TWIST2: variants seen among roughly 807,000 people sequenced by gnomAD.
The protein encoded by TWIST2 is twist family bHLH transcription factor 2, also known as twist-related protein 2.
In TWIST2, 1 loss-of-function variant was observed where a neutral mutation model predicts 11.6. That is an observed-to-expected ratio of 0.09 (90% CI 0.03 to 0.41). The LOEUF is 0.41. Ranked by LOEUF, TWIST2 falls within the 10% of genes least tolerant of loss-of-function variation. The pLI, the probability that TWIST2 is intolerant of heterozygous loss-of-function variation, is 0.98. For synonymous variants in TWIST2, 87 were observed against 96.6 expected (o/e 0.90, Z 0.58); for missense variants, 168 against 226.4 (o/e 0.74, Z 1.66).
At chr2:238,859,582 A>G (rs1226093769) in intron 1 of TWIST2, among the ~76,000 whole-genome samples, 1 of 151,998 alleles carries the variant, frequency 6.6e-6, no homozygotes, top group Non-Finnish European at 1.5e-5. Context: ...CCAAAAAAAA[A>G]AAAAATCCTA....
intron 1 of TWIST2, among the ~76,000 whole-genome samples, chr2:238,908,585 G>A (rs955628310): frequency 3.9e-5 from 6 of 152,342 alleles, no homozygotes; most frequent in African/African-American, 7.2e-5. Flanking sequence ...GTGACGTGAC[G>A]ACACCACTGT....
chr2:238,849,296 C>A (rs1692196207), intron 1 of TWIST2, among the ~76,000 whole-genome samples: 1 of 152,218 alleles, frequency 6.6e-6, no homozygotes, highest in African/African-American at 2.4e-5. Context: ...CCTGGCCTGC[C>A]CAGTGGGCGT....
chr2:238,904,259 A>C (rs1693314527), intron 1 of TWIST2, among the ~76,000 whole-genome samples: 1 of 96,722 alleles, frequency 1.0e-5, no homozygotes, highest in Non-Finnish European at 2.0e-5. Context: ...GGGTATGTGC[A>C]TAATGTGAGG....
intron 1 of TWIST2, among the ~76,000 whole-genome samples, chr2:238,891,908 G>A (rs928499677): frequency 1.3e-5 from 2 of 152,308 alleles, no homozygotes; most frequent in African/African-American, 4.8e-5. Flanking sequence ...TGGGAAGATT[G>A]GGCTATGTAG....
chr2:238,909,231 T>C (rs960812179), intron 1 of TWIST2, among the ~76,000 whole-genome samples: 5 of 144,772 alleles, frequency 3.5e-5, no homozygotes, highest in South Asian at 2.2e-4. Flanking sequence ...TGTTCGTGGG[T>C]GTGGTATGTG....
chr2:238,896,556 G>A (rs1693210007), intron 1 of TWIST2, among the ~76,000 whole-genome samples: 1 of 152,166 alleles, frequency 6.6e-6, no homozygotes, highest in East Asian at 1.9e-4. Flanking sequence ...AACACGTCCT[G>A]AGCCACATGT....
chr2:238,899,942 C>T (rs1693249327), intron 1 of TWIST2, among the ~76,000 whole-genome samples: 1 of 150,930 alleles, frequency 6.6e-6, no homozygotes, highest in Non-Finnish European at 1.5e-5. Context: ...CTGAAGTGCT[C>T]TAAAAAAATA....
intron 1 of TWIST2, among the ~76,000 whole-genome samples, chr2:238,849,798 G>A (rs1205550303): frequency 6.6e-6 from 1 of 152,194 alleles, no homozygotes; most frequent in East Asian, 1.9e-4. Context: ...CCACGGAGGC[G>A]CCGTCCTTAG....
At chr2:238,898,124 G>C (rs963642025) in intron 1 of TWIST2, among the ~76,000 whole-genome samples, 18 of 152,334 alleles carry the variant, frequency 1.2e-4, no homozygotes, top group Non-Finnish European at 1.8e-4. Flanking sequence ...TGGCGAACGC[G>C]GTCTCAGGGC....
chr2:238,906,068 G>T (rs1424391400), intron 1 of TWIST2, among the ~76,000 whole-genome samples: 2 of 152,154 alleles, frequency 1.3e-5, no homozygotes, highest in African/African-American at 4.8e-5. Flanking sequence ...TCAGACTGTT[G>T]CCTTGGTTCA....
chr2:238,893,047 A>G (rs1236285409), intron 1 of TWIST2, among the ~76,000 whole-genome samples: 1 of 152,214 alleles, frequency 6.6e-6, no homozygotes, highest in African/African-American at 2.4e-5. Flanking sequence ...GCTCCGCCAG[A>G]AACTCCAACT....
rs535452741 is a variant in TWIST2, at chr2:238,866,837, G to A, written c.*35+18104G>A. Among the ~76,000 whole-genome samples, 23 of 152,204 alleles carry A rather than the reference G, an allele frequency of 1.5e-4. No homozygotes were observed. Among genetic ancestry groups the A allele is most frequent in the African/African-American group, 4.6e-4 (19 of 41,528 alleles). Reference sequence around the variant, plus strand: ...GGCCTCGTATATCCCCTAGCGGCCTGGCAGCTGCGACGGTTTGTCTGCCTG... The same window carrying A: ...GGCCTCGTATATCCCCTAGCGGCCTAGCAGCTGCGACGGTTTGTCTGCCTG... On this transcript the variant is annotated intron_variant, in intron 1 of 1. Coordinates refer to ENST00000612363, the MANE Select transcript of TWIST2 (RefSeq NM_001271893.4). This position sits in a 1 kb window ranked among gnomAD's most constrained non-coding sequence, Gnocchi z 4.9.
intron 1 of TWIST2, among the ~76,000 whole-genome samples, chr2:238,850,344 G>T (rs1365279678): frequency 6.6e-6 from 1 of 152,102 alleles, no homozygotes; most frequent in East Asian, 1.9e-4. Flanking sequence ...ATTAATTCTG[G>T]TTTTTGCTGC....
chr2:238,884,458 TTCCCCTCCCC>T (rs879830481), intron 1 of TWIST2, among the ~76,000 whole-genome samples: 3 of 152,332 alleles, frequency 2.0e-5, no homozygotes, highest in Middle Eastern at 3.4e-3. Context: ...GTAGGGCTTC[TTCCCCTCCCC>T]TGCCTGGCCA....
At chr2:238,897,509 C>T (rs1051337344) in intron 1 of TWIST2, among the ~76,000 whole-genome samples, 3 of 152,316 alleles carry the variant, frequency 2.0e-5, no homozygotes, top group East Asian at 3.9e-4. Flanking sequence ...CCAACCCAGG[C>T]CACCCTGGTG....
Position 238,848,576 on chromosome 2 carries a change from C to T in TWIST2, c.361C>T (p.Leu121=), listed in dbSNP as rs746639302. 14 of 1,580,114 alleles carry T rather than the reference C, an allele frequency of 8.9e-6. No individual in the cohort carries two copies. The African/African-American group carries it at 1.8e-4, about 20-fold the overall frequency. ...ARYIDFLYQV[L]QSDEMDNKMT... ...GTACATAGACTTCCTCTACCAGGTC[C>T]TGCAGAGCGACGAGATGGACAATAA... The change falls in exon 1 of 2, where the codon CTG becomes TTG. Residue 121 remains leucine (L), a synonymous_variant. Coordinates refer to ENST00000612363, the MANE Select transcript of TWIST2 (RefSeq NM_001271893.4).
chr2:238,856,029 AG>A (rs1379040165), intron 1 of TWIST2, among the ~76,000 whole-genome samples: 2 of 152,178 alleles, frequency 1.3e-5, no homozygotes, highest in Non-Finnish European at 2.9e-5. Flanking sequence ...CTGGTGCAGA[AG>A]GACCTGTTTC....
chr2:238,870,004 A>T (rs902440389), intron 1 of TWIST2, among the ~76,000 whole-genome samples: 3 of 151,942 alleles, frequency 2.0e-5, no homozygotes, highest in Admixed American at 6.5e-5. Flanking sequence ...ATCATTGGGC[A>T]CTGCTGGTGG....
intron 1 of TWIST2, among the ~76,000 whole-genome samples, chr2:238,897,686 C>T (rs922018872): frequency 1.3e-5 from 2 of 152,218 alleles, no homozygotes; most frequent in Non-Finnish European, 2.9e-5. Flanking sequence ...TTTCCTCCCC[C>T]GCCTCTGGAC....
Sources: allele counts gnomAD v4.1 joint callset (sites outside exome capture counted in the v4.1 genomes callset), GRCh38; gene constraint gnomAD v4.1.1; non-coding constraint Gnocchi (gnomAD v3.1); transcripts MANE v1.5; gene names NCBI Gene and HGNC (gene_info 2026-07-23, HGNC 2026-07-21).